ASL: variants seen among roughly 807,000 people sequenced by gnomAD.
The protein encoded by ASL is argininosuccinate lyase, also known as argininosuccinase.
Under a neutral mutation model 69.1 loss-of-function variants are expected in ASL, and 51 were observed. The observed-to-expected ratio is 0.74, with a 90% CI of 0.59 to 0.93. The LOEUF (loss-of-function observed/expected upper bound fraction) is 0.93, where lower values mean the gene tolerates loss of function less well. Among genes scored for constraint, ASL ranks in the 40% least tolerant of loss-of-function variants. The probability of loss-of-function intolerance (pLI) is 0.00; values close to 1 mark genes in which losing one functional copy is unlikely to be tolerated. For synonymous variants in ASL, 241 were observed against 247.6 expected, an observed-to-expected ratio of 0.97 and a Z score of 0.25; for missense variants, 540 against 623.9, an observed-to-expected ratio of 0.87 and a Z score of 1.43.
In ASL at chr7:66,083,164, C is replaced by A. The variant is rs199938613; in HGVS notation, c.436C>A (p.Arg146=). The change falls in exon 6 of 17, where the codon CGG becomes AGG. Residue 146 remains arginine (R), a synonymous_variant. Coordinates refer to ENST00000304874, the MANE Select transcript of ASL (RefSeq NM_000048.4). ...LWELIRTMVD[R]AEAERDVLFP... is the part of the protein sequence containing the mutation. ...GGAGCTCATTAGGACCATGGTGGAT[C>A]GGGCAGAGGCGTGAGTCCTACAGGG... 3 of 1,612,604 alleles carry A rather than the reference C, an allele frequency of 1.9e-6. No individual in the cohort carries two copies. Among genetic ancestry groups the A allele is most frequent in the Non-Finnish European group, 2.5e-6 (3 of 1,179,894 alleles).
At chr7:66,081,759 T>TG (rs1786508968) in intron 2 of ASL, 44 bp from the exon 3 acceptor site, 2 of 1,597,414 alleles carry the variant, frequency 1.3e-6, no homozygotes, top group Non-Finnish European at 1.7e-6. Flanking sequence ...AGCACTGTTC[T>TG]GGAGGGTGGA....
rs752451547 is a variant in ASL, at chr7:66,089,328, A to G, written c.971A>G (p.Asp324Gly). 6.2e-7 allele frequency: 1 copy of G among 1,606,348 alleles called. No homozygotes were observed. Among genetic ancestry groups the G allele is most frequent in the South Asian group, 1.1e-5 (1 of 90,110 alleles). Reference protein sequence around the residue: ...LKGLPSTYNKDLQEDKEAVFE... With the variant: ...LKGLPSTYNKGLQEDKEAVFE... The stretch of plus-strand genomic sequence containing the variant: ...GGACTTCCCAGCACCTACAACAAAG[A>G]CTTACAGGTGCGAGGCCGGGGGAGG... The change falls in exon 13 of 17, where the codon GAC (aspartate) becomes GGC (glycine). Residue 324 changes from aspartate (D) to glycine (G), a missense_variant. Transcript: ENST00000304874.
At chr7:66,083,009 G>A (rs1786554965) in intron 5 of ASL, 68 bp from the exon 6 acceptor site, 4 of 1,611,138 alleles carry the variant, frequency 2.5e-6, no homozygotes, top group South Asian at 1.1e-5. Context: ...TTAGAGTTCT[G>A]CAGCGGTCCT....
intron 11 of ASL, 48 bp from the exon 12 acceptor site, chr7:66,089,043 G>A (rs1158239982): frequency 6.2e-7 from 1 of 1,612,708 alleles, no homozygotes; most frequent in Non-Finnish European, 8.5e-7. Flanking sequence ...TGCGGCGCTG[G>A]ACCAGCCAAG....
In ASL at chr7:66,092,574, C is replaced by T; in HGVS notation, c.1161C>T (p.Ala387=). 6.2e-7 allele frequency: 1 copy of T among 1,610,668 alleles called. No individual in the cohort carries two copies. Among genetic ancestry groups the T allele is most frequent in the Non-Finnish European group, 8.5e-7 (1 of 1,179,964 alleles). The part of the protein sequence containing the change: ...LVRKGMPFRQ[A]HEASGKAVFM... Reference sequence around the variant, plus strand: ...GCACCCAGATGCCATTCCGCCAGGCCCACGAGGCCTCCGGGAAAGCTGTGT... The same window carrying T: ...GCACCCAGATGCCATTCCGCCAGGCTCACGAGGCCTCCGGGAAAGCTGTGT... The change falls in exon 16 of 17, where the codon GCC becomes GCT. Residue 387 remains alanine (A), a synonymous_variant. Transcript: ENST00000304874.
chr7:66,086,716 TG>T (rs1236764438), intron 7 of ASL, 27 bp from the exon 8 acceptor site: 2 of 1,610,136 alleles, frequency 1.2e-6, no homozygotes. Flanking sequence ...CCGGCTGCCC[TG>T]ACCCTCCTGC....
chr7:66,075,935 C>T, intron 1 of ASL, 79 bp downstream of exon 1: 1 of 1,086,072 alleles, frequency 9.2e-7, no homozygotes, highest in Non-Finnish European at 1.3e-6. Flanking sequence ...GTCCGCGTCC[C>T]CAAGGGCTGC....
intron 13 of ASL, 73 bp from the exon 14 acceptor site, chr7:66,089,539 G>A: frequency 6.5e-7 from 1 of 1,546,716 alleles, no homozygotes; most frequent in Non-Finnish European, 8.9e-7. Context: ...TGCCTCAGTG[G>A]GGGGGTGGGG....
intron 6 of ASL, among the ~76,000 whole-genome samples, chr7:66,084,919 G>A (rs1362089886): frequency 3.3e-5 from 5 of 151,362 alleles, no homozygotes; most frequent in East Asian, 1.9e-4. Context: ...GTGCCCAGCC[G>A]CGAATTCTTT....
At chr7:66,086,550 C>T in intron 6 of ASL, 35 bp from the exon 7 acceptor site, 1 of 1,609,800 alleles carries the variant, frequency 6.2e-7, no homozygotes. Flanking sequence ...CTTGCATGAG[C>T]CTCCACCCGA....
chr7:66,090,383 C>T (rs1786808517), intron 14 of ASL, among the ~76,000 whole-genome samples: 1 of 152,120 alleles, frequency 6.6e-6, no homozygotes, highest in East Asian at 1.9e-4. Context: ...AAGTGATCTT[C>T]CCACCTCAGT....
Position 66,079,566 on chromosome 7 carries a change from G to A in ASL, c.13-2237G>A, listed in dbSNP as rs558655125. ...GCCCAGGAATTCAAGACCAGCCTGG[G>A]CAACATAGTGAGACCCTGTCTCTAC... On this transcript the variant is annotated intron_variant, in intron 2 of 16. Coordinates refer to ENST00000304874, the MANE Select transcript of ASL (RefSeq NM_000048.4). Among the ~76,000 whole-genome samples, 385 of 152,206 alleles carry A rather than the reference G, an allele frequency of 2.5e-3. 4 individuals carry two copies. The highest frequency in any genetic ancestry group is 5.8e-3 in the East Asian group (30 of 5,160).
chr7:66,092,328 A>T (rs1315912493), intron 15 of ASL, among the ~76,000 whole-genome samples: 2 of 151,692 alleles, frequency 1.3e-5, no homozygotes, highest in Non-Finnish European at 2.9e-5. Context: ...GTGGTGGCAC[A>T]CTCCTGTAAT....
rs1786764277 is a variant in ASL at position 66,089,170 on chromosome 7, G to A, written c.913G>A (p.Gly305Arg). 6.2e-7 allele frequency: 1 copy of A among 1,613,952 alleles called. No individual in the cohort carries two copies. Among genetic ancestry groups the A allele is most frequent in the Non-Finnish European group, 8.5e-7 (1 of 1,179,946 alleles). Residue 305 changes from glycine (G) to arginine (R), a missense_variant, in exon 12 of 17, where the codon GGG (glycine) becomes AGG (arginine). Transcript: ENST00000304874. Reference sequence around the variant, plus strand: ...CCGGAGCAAGGCTGGGCGTGTGTTTGGGCGGGTGAGCAAGGCAGGGGGAGG... The same window carrying A: ...CCGGAGCAAGGCTGGGCGTGTGTTTAGGCGGGTGAGCAAGGCAGGGGGAGG... ...LIRSKAGRVF[G>R]RCAGLLMTLK...
rs753847119 is a variant in ASL, at chr7:66,092,621, T to G, written c.1208T>G (p.Val403Gly). Residue 403 changes from valine to glycine, a missense_variant, in exon 16 of 17, where the codon GTC becomes GGC. Physicochemically the swap from Val to Gly is moderately radical, Grantham distance 109. Coordinates refer to ENST00000304874, the MANE Select transcript of ASL (RefSeq NM_000048.4). The stretch of plus-strand genomic sequence containing the variant: ...GTGTTCATGGCCGAGACCAAGGGGG[T>G]CGCCCTCAACCAGCTGTCACTGCAG... ...KAVFMAETKG[V>G]ALNQLSLQEL... 6.2e-7 allele frequency: 1 copy of G among 1,612,242 alleles called. No homozygotes were observed. Among genetic ancestry groups the G allele is most frequent in the South Asian group, 1.1e-5 (1 of 91,022 alleles).
chr7:66,078,973 G>C (rs955409777), intron 2 of ASL, among the ~76,000 whole-genome samples: 3 of 152,028 alleles, frequency 2.0e-5, no homozygotes, highest in Admixed American at 1.3e-4. Flanking sequence ...GCAGTGGCAC[G>C]ATCTCAGCTC....
At chr7:66,092,513 A>G in intron 15 of ASL, 44 bp from the exon 16 acceptor site, 1 of 1,556,100 alleles carries the variant, frequency 6.4e-7, no homozygotes, top group South Asian at 1.1e-5. Flanking sequence ...AGATCAGGGC[A>G]TGGAGAAACC....
rs143957662 is a variant in ASL at position 66,087,761 on chromosome 7, A to G, written c.688A>G (p.Met230Val). ...CTTTGGGGCCATCACTCTCAACAGC[A>G]TGGATGCCACTAGTGAGCGGGACTT... ...LNFGAITLNS[M>V]DATSERDFVA... is the part of the protein sequence containing the mutation. The change falls in exon 10 of 17, where the codon ATG becomes GTG. Residue 230 changes from methionine (M) to valine (V), a missense_variant. By Grantham distance (21) the Met-to-Val change is conservative. Coordinates refer to ENST00000304874, the MANE Select transcript of ASL (RefSeq NM_000048.4). 6.2e-5 allele frequency: 100 copies of G among 1,614,136 alleles called. No homozygotes were observed. The highest frequency in any genetic ancestry group is 8.3e-5 in the Non-Finnish European group (98 of 1,180,016).
At chr7:66,089,429 T>TCCC in intron 13 of ASL, 94 bp downstream of exon 13, 1 of 1,505,462 alleles carries the variant, frequency 6.6e-7, no homozygotes, top group Non-Finnish European at 9.0e-7. Context: ...CCATACATCC[T>TCCC]CCCATCCTGT....
Sources: allele counts gnomAD v4.1 joint callset (sites outside exome capture counted in the v4.1 genomes callset), GRCh38; gene constraint gnomAD v4.1.1; transcripts MANE v1.5; gene names NCBI Gene and HGNC (gene_info 2026-07-23, HGNC 2026-07-21).